Variants in CADPS observed in about 807,000 individuals in gnomAD.
CADPS encodes calcium dependent secretion activator, also known as calcium-dependent secretion activator 1.
CADPS carries 57 observed loss-of-function variants against 167.3 expected under a neutral mutation model. The observed-to-expected ratio is 0.34, with a 90% CI of 0.28 to 0.42. CADPS has a LOEUF of 0.42. CADPS is among the 20% of genes least tolerant of loss of function. CADPS has a pLI of 1.00. For synonymous variants in CADPS, 676 were observed against 635.3 expected, an observed-to-expected ratio of 1.06 and a Z score of -0.96; for missense variants, 1,414 against 1,738.1, an observed-to-expected ratio of 0.81 and a Z score of 3.32.
chr3:62,683,160 C>T (rs530261575), intron 3 of CADPS, among the ~76,000 whole-genome samples: 8 of 151,990 alleles, frequency 5.3e-5, no homozygotes, highest in East Asian at 3.9e-4. Context: ...GAAAGCTAAG[C>T]GTCTCTATGA....
At chr3:62,706,365 C>G (rs2082303652) in intron 3 of CADPS, among the ~76,000 whole-genome samples, 1 of 152,120 alleles carries the variant, frequency 6.6e-6, no homozygotes, top group Non-Finnish European at 1.5e-5. Flanking sequence ...CCTTTACTTT[C>G]CTCATTAATT....
At chr3:62,530,959 A>G (rs745375918) in intron 13 of CADPS, 6 of 195,956 alleles carry the variant, frequency 3.1e-5, no homozygotes, top group South Asian at 3.1e-4. Flanking sequence ...CTAAAATAAT[A>G]AGAAAAAAAG....
In CADPS at chr3:62,683,161, G is replaced by A. The variant is rs913016577; in HGVS notation, c.889-20767C>T. Among the ~76,000 whole-genome samples, 14 of 152,078 alleles carry A rather than the reference G, an allele frequency of 9.2e-5. No individual in the cohort carries two copies. In the South Asian group the frequency reaches 1.7e-3, roughly 18 times the overall value. ...CTTGTAGATCATGGGAAAGCTAAGC[G>A]TCTCTATGAACATGCTAGAAGCAAT... is the stretch of plus-strand genomic sequence containing the variant. On this transcript the variant is annotated intron_variant, in intron 3 of 29. Transcript: ENST00000383710.
chr3:62,555,891 T>C (rs1393002537), intron 10 of CADPS, among the ~76,000 whole-genome samples: 1 of 152,062 alleles, frequency 6.6e-6, no homozygotes, highest in Non-Finnish European at 1.5e-5. Context: ...AGCACACACC[T>C]ACAGGTGTGT....
At chr3:62,640,708 A>G (rs990958335) in intron 6 of CADPS, among the ~76,000 whole-genome samples, 8 of 152,202 alleles carry the variant, frequency 5.3e-5, no homozygotes, top group Non-Finnish European at 1.0e-4. Context: ...TCAAATGCCA[A>G]GTGGCATCTT....
chr3:62,808,735 C>T (rs2094241104), intron 1 of CADPS, among the ~76,000 whole-genome samples: 1 of 152,028 alleles, frequency 6.6e-6, no homozygotes, highest in Admixed American at 6.6e-5. Flanking sequence ...CCTTCAGTGC[C>T]ACCTTCTATG....
At position 62,474,153 on chromosome 3, in the gene CADPS, A is replaced by ATTTGTTTTTTTTTTTTTTTTT. The variant is rs2060964648; in HGVS notation, c.3477+19_3477+20insAAAAAAAAAAAAAAAAACAAA. On this transcript the variant is annotated intron_variant, in intron 24 of 29. Transcript: ENST00000383710. The stretch of plus-strand genomic sequence containing the variant: ...AATGAAGAGGGAAAAAAAAATCTGT[A>ATTTGTTTTTTTTTTTTTTTTT]TTTTTTTTTTTTTTTTTACCTCTTG... 1.7e-6 allele frequency: 1 copy of ATTTGTTTTTTTTTTTTTTTTT among 576,520 alleles called. No individual in the cohort carries two copies. The highest frequency in any genetic ancestry group is 2.3e-6 in the Non-Finnish European group (1 of 429,410). The allele number at this position is 576,520 out of a possible 1,614,324, so 35.7% of individuals were successfully genotyped here. A position where few individuals can be genotyped will look rare whatever the true frequency, so the allele number is the denominator to read the frequency against.
chr3:62,635,840 A>C (rs1472927812), intron 6 of CADPS, among the ~76,000 whole-genome samples: 3 of 152,144 alleles, frequency 2.0e-5, no homozygotes, highest in Non-Finnish European at 2.9e-5. Context: ...CTTGCTGCTA[A>C]GGTTTAGCTC....
chr3:62,402,649 A>G (rs561880026), intron 29 of CADPS, among the ~76,000 whole-genome samples: 2 of 152,368 alleles, frequency 1.3e-5, no homozygotes, highest in Middle Eastern at 6.8e-3. Context: ...TTGCATTCTG[A>G]TAATGATCAC....
Position 62,555,776 on chromosome 3 carries a change from T to C in CADPS, c.1753+1629A>G, listed in dbSNP as rs1380425920. Reference sequence around the variant, plus strand: ...TATTTTTTGAGTTGGGGTCTATTTCTGTCACCCAGGATGGAGTGCAGCAGT... The same window carrying C: ...TATTTTTTGAGTTGGGGTCTATTTCCGTCACCCAGGATGGAGTGCAGCAGT... On this transcript the variant is annotated intron_variant, in intron 10 of 29. Transcript: ENST00000383710. 3.3e-5 allele frequency among the ~76,000 whole-genome samples: 5 copies of C among 152,198 alleles called. No homozygotes were observed. The East Asian group carries it at 9.6e-4, about 29-fold the overall frequency.
chr3:62,603,694 A>G (rs2060288450), intron 6 of CADPS, among the ~76,000 whole-genome samples: 2 of 152,124 alleles, frequency 1.3e-5, no homozygotes, highest in African/African-American at 4.8e-5. Flanking sequence ...CTCTTTGCTT[A>G]TATTACCCAC....
chr3:62,496,176 T>C (rs58431661), intron 18 of CADPS, among the ~76,000 whole-genome samples: 3,159 of 152,044 alleles, frequency 0.021, 108 homozygotes, highest in African/African-American at 0.07. Context: ...AGAAAAACCC[T>C]ATGTTTAGTG....
chr3:62,740,687 A>G (rs1050621786), intron 3 of CADPS, among the ~76,000 whole-genome samples: 1 of 151,586 alleles, frequency 6.6e-6, no homozygotes, highest in Non-Finnish European at 1.5e-5. Context: ...AACTTATACC[A>G]CTCTGCCATG....
intron 13 of CADPS, among the ~76,000 whole-genome samples, chr3:62,526,521 C>T (rs1166940939): frequency 3.3e-5 from 5 of 152,250 alleles, no homozygotes; most frequent in Non-Finnish European, 7.4e-5. Context: ...GTTTGATTGC[C>T]TTGTCACTGT....
intron 3 of CADPS, among the ~76,000 whole-genome samples, chr3:62,746,347 A>ATTGC (rs1392046570): frequency 6.6e-6 from 1 of 152,168 alleles, no homozygotes; most frequent in Non-Finnish European, 1.5e-5. Flanking sequence ...TGATTGATTG[A>ATTGC]TTGAGACAGA....
chr3:62,488,950 C>T (rs2063258934), intron 21 of CADPS, among the ~76,000 whole-genome samples: 1 of 152,126 alleles, frequency 6.6e-6, no homozygotes, highest in Non-Finnish European at 1.5e-5. Flanking sequence ...GGTTATTATT[C>T]GCAACTATTA....
intron 1 of CADPS, chr3:62,779,295 G>C (rs1022314541): frequency 5.7e-5 from 21 of 369,442 alleles, no homozygotes; most frequent in Non-Finnish European, 1.0e-4. Context: ...GAAACTTCTG[G>C]GTTGCAGCCT....
rs181473343 is a variant in CADPS, at chr3:62,753,010, C to A, written c.888+431G>T. Reference sequence around the variant, plus strand: ...GGTATCGGGCCTTTTGCAAGCTTTCCATTTTAAAAAATTATTCTTGACAGG... The same window carrying A: ...GGTATCGGGCCTTTTGCAAGCTTTCAATTTTAAAAAATTATTCTTGACAGG... On this transcript the variant is annotated intron_variant, in intron 3 of 29. Transcript: ENST00000383710. This position sits in a 1 kb window ranked among gnomAD's most constrained non-coding sequence, Gnocchi z 4.6. Among the ~76,000 whole-genome samples, 151 of 152,266 alleles carry A rather than the reference C, an allele frequency of 9.9e-4. 1 individual carries two copies. The highest frequency in any genetic ancestry group is 2.5e-4 in the Non-Finnish European group (17 of 68,020).
chr3:62,653,958 C>T (rs1017169510), intron 4 of CADPS, among the ~76,000 whole-genome samples: 1 of 152,018 alleles, frequency 6.6e-6, no homozygotes, highest in African/African-American at 2.4e-5. Context: ...AGGGAAAGAG[C>T]AGGATGGATG....
Sources: allele counts gnomAD v4.1 joint callset (sites outside exome capture counted in the v4.1 genomes callset), GRCh38; gene constraint gnomAD v4.1.1; non-coding constraint Gnocchi (gnomAD v3.1); transcripts MANE v1.5; gene names NCBI Gene and HGNC (gene_info 2026-07-23, HGNC 2026-07-21).